The following KLHL12 variants were observed in gnomAD, a reference collection of about 807,000 sequenced individuals.
KLHL12 encodes kelch like family member 12, also known as kelch-like protein 12.
Under a neutral mutation model 60.8 loss-of-function variants are expected in KLHL12, and 17 were observed. The observed-to-expected ratio is 0.28, with a 90% CI of 0.19 to 0.42. KLHL12 has a LOEUF of 0.42. Ranked by LOEUF, KLHL12 falls within the 10% of genes least tolerant of loss-of-function variation. The pLI, the probability that KLHL12 is intolerant of heterozygous loss-of-function variation, is 1.00. For missense variants in KLHL12, 468 were observed against 722.3 expected, an observed-to-expected ratio of 0.65 and a Z score of 4.04; for synonymous variants, 220 against 250.9, an observed-to-expected ratio of 0.88 and a Z score of 1.16.
At chr1:202,903,246 A>G (rs1157574736) in intron 6 of KLHL12, among the ~76,000 whole-genome samples, 1 of 150,932 alleles carries the variant, frequency 6.6e-6, no homozygotes, top group African/African-American at 2.4e-5. Flanking sequence ...CACCAACACT[A>G]TAAAGGTGCC....
chr1:202,920,114 G>C (rs180908361), intron 2 of KLHL12, among the ~76,000 whole-genome samples: 76 of 152,098 alleles, frequency 5.0e-4, no homozygotes, highest in Non-Finnish European at 9.1e-4. Flanking sequence ...AGGAATTCAA[G>C]ACCAGCCTGG....
chr1:202,928,268 C>T (rs1977837), upstream of KLHL12, among the ~76,000 whole-genome samples: 32,564 of 130,602 alleles, frequency 0.25, 4,366 homozygotes, highest in East Asian at 0.57. Context: ...GAGCAAGACT[C>T]CGTCTCAAAA....
chr1:202,904,111 C>T (rs1273389605), intron 6 of KLHL12, among the ~76,000 whole-genome samples: 1 of 152,088 alleles, frequency 6.6e-6, no homozygotes, highest in African/African-American at 2.4e-5. Context: ...CTCCACCTCC[C>T]AGGTTCAAGC....
upstream of KLHL12, among the ~76,000 whole-genome samples, chr1:202,928,284 A>AG (rs1464421746): frequency 1.4e-3 from 209 of 150,660 alleles, 3 homozygotes; most frequent in East Asian, 0.01. Flanking sequence ...CAAAAAAAAA[A>AG]AAAAGAAAAA....
At chr1:202,896,749 T>C in intron 7 of KLHL12, 105 bp downstream of exon 7, 1 of 853,636 alleles carries the variant, frequency 1.2e-6, no homozygotes, top group Non-Finnish European at 2.0e-6. Context: ...AGAAACATCC[T>C]GTTATTAGGC....
At chr1:202,918,085 C>T in intron 4 of KLHL12, 86 bp downstream of exon 4, 1 of 941,588 alleles carries the variant, frequency 1.1e-6, no homozygotes, top group East Asian at 2.4e-5. Flanking sequence ...AATTATGAAG[C>T]CCTGATGGTA....
At chr1:202,922,800 T>TA (rs760658101) in intron 2 of KLHL12, among the ~76,000 whole-genome samples, 1 of 151,954 alleles carries the variant, frequency 6.6e-6, no homozygotes, top group Non-Finnish European at 1.5e-5. Flanking sequence ...ATCCAAGACT[T>TA]AACCAGTCAC....
chr1:202,915,697 C>A (rs762871580), intron 4 of KLHL12, among the ~76,000 whole-genome samples: 1 of 152,210 alleles, frequency 6.6e-6, no homozygotes, highest in Non-Finnish European at 1.5e-5. Context: ...TGGAGCCAGA[C>A]TACTCGAATT....
rs977065615 is a variant in KLHL12 at position 202,895,345 on chromosome 1, G to C, written c.1135+177C>G. On this transcript the variant is annotated intron_variant, in intron 8 of 11. Coordinates refer to ENST00000367261, the MANE Select transcript of KLHL12 (RefSeq NM_021633.4). This position sits in a 1 kb window ranked among gnomAD's most constrained non-coding sequence, Gnocchi z 4.2. ...GGAGGTTGAGGCTGCAGTGAGCCGT[G>C]ATCACACCACTGCACTCCAGCCTGG... Among the ~76,000 whole-genome samples, 1 of 152,022 alleles carries C rather than the reference G, an allele frequency of 6.6e-6. No individual in the cohort carries two copies. Among genetic ancestry groups the C allele is most frequent in the Non-Finnish European group, 1.5e-5 (1 of 67,994 alleles).
At chr1:202,896,989 T>C (rs1264551044) in intron 6 of KLHL12, 29 bp from the exon 7 acceptor site, 1 of 1,551,924 alleles carries the variant, frequency 6.4e-7, no homozygotes, top group Admixed American at 1.7e-5. Context: ...AAAAGATGGG[T>C]TAGTTCAGCA....
At chr1:202,906,102 A>G (rs1281324600) in intron 6 of KLHL12, among the ~76,000 whole-genome samples, 2 of 141,908 alleles carry the variant, frequency 1.4e-5, no homozygotes, top group Non-Finnish European at 3.0e-5. Context: ...TACGGGCATG[A>G]GCCACCGCGC....
chr1:202,914,526 T>TA (rs1202505075), intron 4 of KLHL12, among the ~76,000 whole-genome samples: 2 of 152,220 alleles, frequency 1.3e-5, no homozygotes, highest in Non-Finnish European at 2.9e-5. Context: ...AATTTAAAGA[T>TA]AGAGTTTTTC....
chr1:202,895,723 G>C lies in KLHL12; in HGVS notation c.940-6C>G, dbSNP rs952665896. 6 of 1,612,260 alleles carry C rather than the reference G, an allele frequency of 3.7e-6. No homozygotes were observed. In the African/African-American group the frequency reaches 8.0e-5, roughly 21 times the overall value. On this transcript the variant is annotated splice_region_variant and splice_polypyrimidine_tract_variant and intron_variant, in intron 7 of 11. Coordinates refer to ENST00000367261, the MANE Select transcript of KLHL12 (RefSeq NM_021633.4). This position sits in a 1 kb window ranked among gnomAD's most constrained non-coding sequence, Gnocchi z 4.2. ...CGTCTCTTACGAGTGATGCTCTATG[G>C]ATTTGGAGAGAAGAGGTACAGAGCA... is the stretch of plus-strand genomic sequence containing the variant.
chr1:202,911,250 C>G (rs1660346237), intron 4 of KLHL12, 47 bp from the exon 5 acceptor site: 2 of 1,597,324 alleles, frequency 1.3e-6, no homozygotes, highest in Non-Finnish European at 1.7e-6. Context: ...TTCCAATTAG[C>G]TCACCATCTC....
At chr1:202,919,241 G>C (rs985416495) in intron 3 of KLHL12, among the ~76,000 whole-genome samples, 1 of 152,200 alleles carries the variant, frequency 6.6e-6, no homozygotes, top group Non-Finnish European at 1.5e-5. Context: ...GGGTGACAGA[G>C]TGAGACTCTG....
At chr1:202,916,673 C>T (rs1660530975) in intron 4 of KLHL12, among the ~76,000 whole-genome samples, 2 of 152,036 alleles carry the variant, frequency 1.3e-5, no homozygotes, top group Admixed American at 1.3e-4. Flanking sequence ...CTAGTTTTAA[C>T]AAAATAAATC....
chr1:202,927,465 C>G, upstream of KLHL12, among the ~76,000 whole-genome samples: 1 of 127,918 alleles, frequency 7.8e-6, no homozygotes, highest in African/African-American at 3.0e-5. Flanking sequence ...AGCGAATTAC[C>G]TGAGCTCCGG....
chr1:202,917,554 C>A (rs936615957), intron 4 of KLHL12, among the ~76,000 whole-genome samples: 1 of 152,186 alleles, frequency 6.6e-6, no homozygotes, highest in Non-Finnish European at 1.5e-5. Flanking sequence ...CCCTTCCAAC[C>A]GCTGCATCCT....
chr1:202,892,953 G>A (rs1395591939), intron 11 of KLHL12, among the ~76,000 whole-genome samples: 1 of 152,118 alleles, frequency 6.6e-6, no homozygotes, highest in Non-Finnish European at 1.5e-5. Flanking sequence ...GAGGTGGAAG[G>A]ATTGCTTGAG....
Sources: allele counts gnomAD v4.1 joint callset (sites outside exome capture counted in the v4.1 genomes callset), GRCh38; gene constraint gnomAD v4.1.1; non-coding constraint Gnocchi (gnomAD v3.1); transcripts MANE v1.5; gene names NCBI Gene and HGNC (gene_info 2026-07-23, HGNC 2026-07-21).